Variants in CTNNA3 observed in about 807,000 individuals in gnomAD.
CTNNA3 encodes the protein catenin alpha-3.
In CTNNA3, 76 loss-of-function variants were observed where a neutral mutation model predicts 95.7. That is an observed-to-expected ratio of 0.79 (90% CI 0.66 to 0.96). CTNNA3 has a LOEUF of 0.96. CTNNA3 is among the 40% of genes least tolerant of loss of function. The pLI is 0.00. For missense variants in CTNNA3, 1,191 were observed against 1,089.8 expected, an observed-to-expected ratio of 1.09 and a Z score of -1.31; for synonymous variants, 431 against 374.4, an observed-to-expected ratio of 1.15 and a Z score of -1.74.
At chr10:67,589,718 T>C (rs549155829) in intron 3 of CTNNA3, among the ~76,000 whole-genome samples, 10 of 152,228 alleles carry the variant, frequency 6.6e-5, no homozygotes, top group Non-Finnish European at 1.5e-5. Context: ...ATGTGAAAAG[T>C]TTTTAGTAGT....
intron 7 of CTNNA3, among the ~76,000 whole-genome samples, chr10:66,889,948 G>A (rs1026154282): frequency 2.0e-5 from 3 of 152,032 alleles, no homozygotes; most frequent in South Asian, 2.1e-4. Context: ...ACGCCACCAC[G>A]CCCAGCTAAT....
At chr10:66,105,823 A>G (rs1208943633) in intron 13 of CTNNA3, among the ~76,000 whole-genome samples, 1 of 152,242 alleles carries the variant, frequency 6.6e-6, no homozygotes, top group Non-Finnish European at 1.5e-5. Context: ...TGGTATTGTG[A>G]AAATAAATAG....
At chr10:67,424,209 C>G (rs915631233) in intron 5 of CTNNA3, among the ~76,000 whole-genome samples, 1 of 152,122 alleles carries the variant, frequency 6.6e-6, no homozygotes, top group South Asian at 2.1e-4. Context: ...TTTCATATTA[C>G]TGTTGACATT....
At chr10:67,405,829 A>C (rs932526738) in intron 5 of CTNNA3, among the ~76,000 whole-genome samples, 1 of 152,220 alleles carries the variant, frequency 6.6e-6, no homozygotes, top group Admixed American at 6.5e-5. Flanking sequence ...CAAATGTAAA[A>C]GAACTGAAAT....
chr10:66,402,745 A>G (rs555139603), intron 11 of CTNNA3, among the ~76,000 whole-genome samples: 11 of 152,298 alleles, frequency 7.2e-5, no homozygotes, highest in South Asian at 6.2e-4. Flanking sequence ...CAAGGAAGTT[A>G]GAGTTCCAGA....
intron 8 of CTNNA3, among the ~76,000 whole-genome samples, chr10:66,766,941 A>G (rs1188290139): frequency 2.0e-5 from 3 of 152,176 alleles, no homozygotes; most frequent in Non-Finnish European, 2.9e-5. Flanking sequence ...TTGATGTCCA[A>G]TTTTCCCCAT....
At chr10:66,737,543 T>G (rs1182289349) in intron 9 of CTNNA3, among the ~76,000 whole-genome samples, 4 of 152,220 alleles carry the variant, frequency 2.6e-5, no homozygotes, top group Non-Finnish European at 4.4e-5. Flanking sequence ...CACATAGAAA[T>G]GACAACATGG....
At chr10:66,152,568 G>A (rs2133908930) in intron 13 of CTNNA3, among the ~76,000 whole-genome samples, 1 of 151,960 alleles carries the variant, frequency 6.6e-6, no homozygotes, top group Non-Finnish European at 1.5e-5. Flanking sequence ...ATTAATCAAA[G>A]TCTAATAATA....
chr10:67,162,333 C>T (rs1861587378), intron 7 of CTNNA3, among the ~76,000 whole-genome samples: 1 of 151,872 alleles, frequency 6.6e-6, no homozygotes, highest in African/African-American at 2.4e-5. Context: ...AGGGTAAATA[C>T]ATATTATTTT....
chr10:66,133,437 T>A (rs1313999970), intron 13 of CTNNA3, among the ~76,000 whole-genome samples: 1 of 150,702 alleles, frequency 6.6e-6, no homozygotes, highest in South Asian at 2.1e-4. Context: ...ATTGTTTGAA[T>A]GGGGGTTGGA....
In CTNNA3 at chr10:66,195,200, T is replaced by C. The variant is rs368481742; in HGVS notation, c.1884+85270A>G. ...TTAGAGAACAGATCAAGAGCTTCCC[T>C]GTATCTTTTTTGTTTAAAAAAAGAT... On this transcript the variant is annotated intron_variant, in intron 13 of 17. Transcript: ENST00000433211. 5.9e-5 allele frequency among the ~76,000 whole-genome samples: 9 copies of C among 152,194 alleles called. No homozygotes were observed. The East Asian group carries it at 9.7e-4, about 16-fold the overall frequency.
chr10:65,963,262 C>A (rs77662032), intron 17 of CTNNA3, among the ~76,000 whole-genome samples: 3,955 of 152,198 alleles, frequency 0.026, 160 homozygotes, highest in African/African-American at 0.09. Context: ...GCCCACCCAC[C>A]CTTATTCCAC....
intron 1 of CTNNA3, among the ~76,000 whole-genome samples, chr10:67,728,403 C>T (rs1348147961): frequency 4.9e-5 from 7 of 142,812 alleles, no homozygotes; most frequent in Non-Finnish European, 1.1e-4. Context: ...TATATATATA[C>T]ATAATATATA....
intron 10 of CTNNA3, among the ~76,000 whole-genome samples, chr10:66,613,249 A>C (rs2132291253): frequency 6.6e-6 from 1 of 152,074 alleles, no homozygotes; most frequent in South Asian, 2.1e-4. Flanking sequence ...TCCTCCACAA[A>C]TTCTGTTTCT....
chr10:66,425,851 CACA>C (rs1564950551), intron 11 of CTNNA3, among the ~76,000 whole-genome samples: 1 of 152,038 alleles, frequency 6.6e-6, no homozygotes. Flanking sequence ...ATTAAGAATA[CACA>C]ACATTACCAG....
intron 11 of CTNNA3, among the ~76,000 whole-genome samples, chr10:66,452,190 T>C (rs2093468902): frequency 6.6e-6 from 1 of 152,216 alleles, no homozygotes; most frequent in African/African-American, 2.4e-5. Context: ...AAATTTCATA[T>C]TAGTATATTT....
chr10:66,412,066 T>A (rs1288257707), intron 11 of CTNNA3, among the ~76,000 whole-genome samples: 2 of 152,054 alleles, frequency 1.3e-5, no homozygotes, highest in African/African-American at 4.8e-5. Context: ...TGGATCCAAG[T>A]ACAAGAGTAA....
intron 6 of CTNNA3, among the ~76,000 whole-genome samples, chr10:67,218,455 T>G (rs1012733152): frequency 6.6e-6 from 1 of 152,154 alleles, no homozygotes; most frequent in Non-Finnish European, 1.5e-5. Context: ...TGGAGGGCAA[T>G]GCTCTCACCA....
At chr10:67,555,251 C>T (rs1462517988) in intron 3 of CTNNA3, among the ~76,000 whole-genome samples, 1 of 152,026 alleles carries the variant, frequency 6.6e-6, no homozygotes, top group Non-Finnish European at 1.5e-5. Flanking sequence ...TTTTTTGGTT[C>T]CATATGAACT....
Sources: gnomAD v4.1 joint callset for allele counts (sites outside exome capture counted in the v4.1 genomes callset) on GRCh38, gnomAD v4.1.1 for gene constraint, MANE v1.5 for transcripts, NCBI Gene and HGNC (gene_info 2026-07-23, HGNC 2026-07-21) for gene names.